TCF3: variants seen among roughly 807,000 people sequenced by gnomAD.
TCF3 encodes transcription factor 3, also known as transcription factor E2-alpha.
Under a neutral mutation model 72.3 loss-of-function variants are expected in TCF3, and 54 were observed. The observed-to-expected ratio is 0.75, with a 90% confidence interval of 0.60 to 0.94. The LOEUF (loss-of-function observed/expected upper bound fraction) is 0.94, where lower values mean the gene tolerates loss of function less well. Among genes scored for constraint, TCF3 ranks in the 40% least tolerant of loss-of-function variants. The pLI is 0.00. For synonymous variants in TCF3, 525 were observed against 412.6 expected, an observed-to-expected ratio of 1.27 and a Z score of -3.30; for missense variants, 1,078 against 934.4, an observed-to-expected ratio of 1.15 and a Z score of -2.00.
At chr19:1,634,534 G>C (rs1235217506) in intron 3 of TCF3, among the ~76,000 whole-genome samples, 2 of 152,212 alleles carry the variant, frequency 1.3e-5, no homozygotes, top group African/African-American at 4.8e-5. Flanking sequence ...CCACCTGCCT[G>C]GGCTGCCGTG....
intron 3 of TCF3, among the ~76,000 whole-genome samples, chr19:1,633,449 G>A (rs2063967659): frequency 6.6e-6 from 1 of 152,022 alleles, no homozygotes. Context: ...TGTTCTGCAG[G>A]CTCCCCCGCC....
At chr19:1,621,530 G>C (rs1241467451) in intron 11 of TCF3, among the ~76,000 whole-genome samples, 1 of 151,162 alleles carries the variant, frequency 6.6e-6, no homozygotes, top group African/African-American at 2.4e-5. Flanking sequence ...GGCCTGGGTG[G>C]GTGAGTCCCT....
At position 1,619,123 on chromosome 19, in the gene TCF3, C is replaced by T. The variant is rs374172636; in HGVS notation, c.1438G>A (p.Asp480Asn). The T allele has an allele frequency of 3.7e-4, 599 of 1,599,494 alleles. 9 individuals carry two copies. The highest frequency in any genetic ancestry group is 3.5e-3 in the South Asian group (321 of 91,048). Reference sequence around the variant, plus strand: ...CTCAAGGGCTTACCACTGTAGGAGTCGGGAGGCCGAGACAGGTCAGGGAGG... The same window carrying T: ...CTCAAGGGCTTACCACTGTAGGAGTTGGGAGGCCGAGACAGGTCAGGGAGG... ...GTLPDLSRPPDSYSGLGRAGA... is the reference protein window; with the variant it reads ...GTLPDLSRPPNSYSGLGRAGA... The change falls in exon 16 of 19, where the codon GAC becomes AAC. Residue 480 changes from aspartate to asparagine, a missense_variant. By Grantham distance (23) the Asp-to-Asn change is conservative. Coordinates refer to ENST00000262965, the MANE Select transcript of TCF3 (RefSeq NM_003200.5).
In TCF3 at chr19:1,619,383, G is replaced by C; in HGVS notation, c.1259C>G (p.Pro420Arg). 1 of 1,592,838 alleles carries C rather than the reference G, an allele frequency of 6.3e-7. No individual in the cohort carries two copies. ...GTAGDMHTLL[P>R]GHGALASGFT... ...ACCTGAGGCCAGCGCCCCGTGGCCA[G>C]GCAGCAGCGTGTGCATGTCGCCGGC... Residue 420 changes from proline (P) to arginine (R), a missense_variant, in exon 15 of 19, where the codon CCT becomes CGT. Pro to Arg is a moderately radical substitution (Grantham distance 103, BLOSUM62 -2). Transcript: ENST00000262965.
rs529172347 is a variant in TCF3 at position 1,627,492 on chromosome 19, C to A, written c.299-66G>T. 151 of 1,467,312 alleles carry A rather than the reference C, an allele frequency of 1.0e-4. No homozygotes were observed. In the African/African-American group the frequency reaches 1.9e-3, roughly 18 times the overall value. 90.9% of individuals were successfully genotyped at this position (1,467,312 alleles called of 1,614,324 possible). A position where few individuals can be genotyped will look rare whatever the true frequency, so the allele number is the denominator to read the frequency against. On this transcript the variant is annotated intron_variant, in intron 5 of 18. Coordinates refer to ENST00000262965, the MANE Select transcript of TCF3 (RefSeq NM_003200.5). ...GGAACATCCTGAGGGCCCCCGAGTG[C>A]CTGCCATGTGCCTACAATAGGCTCT...
At chr19:1,634,638 C>A (rs2064156920) in intron 3 of TCF3, among the ~76,000 whole-genome samples, 1 of 152,204 alleles carries the variant, frequency 6.6e-6, no homozygotes, top group East Asian at 1.9e-4. Context: ...CCTGTTGGGT[C>A]CCCTCCTGAG....
intron 5 of TCF3, among the ~76,000 whole-genome samples, chr19:1,630,461 G>A (rs1036152337): frequency 3.9e-5 from 6 of 152,188 alleles, no homozygotes; most frequent in East Asian, 3.9e-4. Context: ...CCAAACAGGC[G>A]CTGCCCCTCA....
intron 11 of TCF3, 70 bp from the exon 12 acceptor site, chr19:1,621,261 C>A (rs1251715401): frequency 6.7e-7 from 1 of 1,490,260 alleles, no homozygotes; most frequent in South Asian, 1.2e-5. Context: ...AGCTCTCCTG[C>A]GTTCTGCCGT....
At position 1,641,221 on chromosome 19, in the gene TCF3, A is replaced by G. The variant is rs146773869; in HGVS notation, c.145+5134T>C. On this transcript the variant is annotated intron_variant, in intron 3 of 18. Coordinates refer to ENST00000262965, the MANE Select transcript of TCF3 (RefSeq NM_003200.5). Reference sequence around the variant, plus strand: ...AAAAGAAAAAAAAAAGATACAGCCAACAGCTTGGCTGGATCTCCAGGGAAT... The same window carrying G: ...AAAAGAAAAAAAAAAGATACAGCCAGCAGCTTGGCTGGATCTCCAGGGAAT... Among the ~76,000 whole-genome samples the G allele has an allele frequency of 5.9e-3, 900 of 152,236 alleles. 10 individuals carry two copies. Among genetic ancestry groups the G allele is most frequent in the African/African-American group, 0.02 (850 of 41,502 alleles).
chr19:1,650,276 GGCCTGGAAA>G lies in TCF3; in HGVS notation c.-37_-29del. 1 of 1,550,016 alleles carries G rather than the reference GGCCTGGAAA, an allele frequency of 6.5e-7. No individual in the cohort carries two copies. The highest frequency in any genetic ancestry group is 8.7e-7 in the Non-Finnish European group (1 of 1,148,712). ...TCCTGGGGCCAGGGCGGGCACCTCA[GGCCTGGAAA>G]CCCTGCTTGGTGGATGTGGGGACAG... On this transcript the variant is annotated splice_region_variant and 5_prime_UTR_variant, in exon 2 of 19. Transcript: ENST00000262965.
At chr19:1,619,959 G>C in intron 13 of TCF3, 106 bp from the exon 14 acceptor site, 1 of 1,040,632 alleles carries the variant, frequency 9.6e-7, no homozygotes, top group South Asian at 1.5e-5. Context: ...CCAGCCTCCG[G>C]TGATGCCCAA....
chr19:1,639,123 A>C (rs774046860), intron 3 of TCF3, among the ~76,000 whole-genome samples: 11 of 152,230 alleles, frequency 7.2e-5, no homozygotes, highest in Non-Finnish European at 1.2e-4. Flanking sequence ...AGCTCACTGC[A>C]ACCTCTGCCT....
chr19:1,626,365 G>A (rs1437535400), intron 6 of TCF3, among the ~76,000 whole-genome samples: 1 of 152,008 alleles, frequency 6.6e-6, no homozygotes, highest in Non-Finnish European at 1.5e-5. Flanking sequence ...CAGGAGAATC[G>A]CTTGAACCCA....
In TCF3 at chr19:1,612,239, T is replaced by C. The variant is rs1048908587; in HGVS notation, c.1823-390A>G. The C allele has an allele frequency of 2.5e-6, 4 of 1,602,120 alleles. No homozygotes were observed. The African/African-American group carries it at 4.0e-5, about 16-fold the overall frequency. On this transcript the variant is annotated intron_variant, in intron 18 of 18. Transcript: ENST00000262965. ...CTGCTGCTCCAGCCCCAGGATGACC[T>C]GCACGGCCTGCTGCAGGATGAGCAG...
chr19:1,627,165 C>G (rs1313523275), intron 6 of TCF3, among the ~76,000 whole-genome samples, 194 bp downstream of exon 6: 1 of 152,202 alleles, frequency 6.6e-6, no homozygotes, highest in African/African-American at 2.4e-5. Context: ...CTTGGCCTCC[C>G]TGGTCCTCAC....
In TCF3 at chr19:1,611,606, G is replaced by A; in HGVS notation, c.*101C>T. 1.4e-6 allele frequency: 2 copies of A among 1,464,014 alleles called. No individual in the cohort carries two copies. Among genetic ancestry groups the A allele is most frequent in the East Asian group, 2.4e-5 (1 of 42,516 alleles). 90.7% of individuals were successfully genotyped at this position (1,464,014 alleles called of 1,614,324 possible). A position where few individuals can be genotyped will look rare whatever the true frequency, so the allele number is the denominator to read the frequency against. On this transcript the variant is annotated 3_prime_UTR_variant, in exon 19 of 19. Coordinates refer to ENST00000262965, the MANE Select transcript of TCF3 (RefSeq NM_003200.5). ...TTGGCTCGATGCTGACAACAGGTGT[G>A]TGAGGTGTGGATGTGGATGAAGCCC...
chr19:1,642,279 CA>C (rs2065434158), intron 3 of TCF3, among the ~76,000 whole-genome samples: 7 of 149,802 alleles, frequency 4.7e-5, no homozygotes, highest in Non-Finnish European at 9.0e-5. Flanking sequence ...CGCACACGCA[CA>C]GACGCGCACA....
At chr19:1,621,692 G>A in intron 11 of TCF3, 146 bp downstream of exon 11, 2 of 1,111,836 alleles carry the variant, frequency 1.8e-6, no homozygotes, top group Non-Finnish European at 2.5e-6. Flanking sequence ...CCTGCAGACA[G>A]CGGACAATGA....
chr19:1,649,257 C>G (rs567082603), intron 2 of TCF3, among the ~76,000 whole-genome samples: 2 of 152,238 alleles, frequency 1.3e-5, no homozygotes, highest in Non-Finnish European at 2.9e-5. Context: ...GGCCCAAGCT[C>G]GGCTTCTGGC....
Sources: gnomAD v4.1 joint callset for allele counts (sites outside exome capture counted in the v4.1 genomes callset) on GRCh38, gnomAD v4.1.1 for gene constraint, MANE v1.5 for transcripts, NCBI Gene and HGNC (gene_info 2026-07-23, HGNC 2026-07-21) for gene names.